The following ELMO1 variants were observed in gnomAD, a reference collection of about 807,000 sequenced individuals.
ELMO1 encodes the protein engulfment and cell motility protein 1.
In ELMO1, 26 loss-of-function variants were observed where a neutral mutation model predicts 98.9. That is an observed-to-expected ratio of 0.26 (90% CI 0.19 to 0.36). The LOEUF (loss-of-function observed/expected upper bound fraction) is 0.36, where lower values mean the gene tolerates loss of function less well. ELMO1 is among the 10% of genes least tolerant of loss of function. ELMO1 has a pLI of 1.00. For missense variants in ELMO1, 627 were observed against 935.2 expected, an observed-to-expected ratio of 0.67 and a Z score of 4.30; for synonymous variants, 346 against 346.0, an observed-to-expected ratio of 1.00 and a Z score of 0.00.
intron 6 of ELMO1, among the ~76,000 whole-genome samples, chr7:37,254,595 A>G (rs1795541164): frequency 6.6e-6 from 1 of 152,226 alleles, no homozygotes; most frequent in Admixed American, 6.5e-5. Context: ...AGTGTACGCA[A>G]TGGTAACACA....
intron 13 of ELMO1, among the ~76,000 whole-genome samples, chr7:37,151,465 A>G (rs1325092262): frequency 6.6e-6 from 1 of 152,000 alleles, no homozygotes; most frequent in Non-Finnish European, 1.5e-5. Context: ...ACAAAATCCT[A>G]ATGGGGCCTT....
chr7:36,916,309 C>T (rs1345390481), intron 16 of ELMO1, among the ~76,000 whole-genome samples: 1 of 152,196 alleles, frequency 6.6e-6, no homozygotes, highest in Non-Finnish European at 1.5e-5. Context: ...CTACCCAAGC[C>T]GGTGATAATC....
At chr7:37,315,757 C>T (rs17170984) in intron 3 of ELMO1, among the ~76,000 whole-genome samples, 163 bp downstream of exon 3, 3,935 of 152,278 alleles carry the variant, frequency 0.026, 179 homozygotes, top group African/African-American at 0.09. Flanking sequence ...ATGGTGAATT[C>T]TGTTGGAAAA....
intron 1 of ELMO1, among the ~76,000 whole-genome samples, chr7:37,425,889 A>G (rs568981237): frequency 3.2e-4 from 49 of 152,318 alleles, no homozygotes; most frequent in African/African-American, 1.1e-3. Context: ...CCCCACTCCA[A>G]TGAGGCTATA....
intron 14 of ELMO1, among the ~76,000 whole-genome samples, chr7:37,104,224 C>T (rs1784818996): frequency 6.6e-6 from 1 of 151,198 alleles, no homozygotes; most frequent in Admixed American, 6.6e-5. Context: ...GATCTTATGC[C>T]TGAGTGAAGA....
Position 36,876,467 on chromosome 7 carries a change from A to T in ELMO1, c.1822+1543T>A, listed in dbSNP as rs756256281. 1.4e-4 allele frequency among the ~76,000 whole-genome samples: 21 copies of T among 150,506 alleles called. 1 individual carries two copies. Among genetic ancestry groups the T allele is most frequent in the Non-Finnish European group, 2.5e-4 (17 of 67,670 alleles). The stretch of plus-strand genomic sequence containing the variant: ...ATTTACTTAAACTTTTTGTTTTTTT[A>T]AAATTATTAGTGAAAGCCACATTTG... On this transcript the variant is annotated intron_variant, in intron 19 of 21. Coordinates refer to ENST00000310758, the MANE Select transcript of ELMO1 (RefSeq NM_014800.11).
At chr7:37,227,985 C>A (rs950453595) in intron 8 of ELMO1, among the ~76,000 whole-genome samples, 1 of 152,212 alleles carries the variant, frequency 6.6e-6, no homozygotes, top group African/African-American at 2.4e-5. Flanking sequence ...AATCCTAAAG[C>A]ATGTTACATA....
chr7:37,265,912 A>C (rs1179576144), intron 5 of ELMO1, among the ~76,000 whole-genome samples: 1 of 151,712 alleles, frequency 6.6e-6, no homozygotes, highest in African/African-American at 2.4e-5. Flanking sequence ...CACCGGGAGG[A>C]ACAGGACATC....
At chr7:36,860,063 T>C (rs554262988) in intron 21 of ELMO1, among the ~76,000 whole-genome samples, 11 of 152,358 alleles carry the variant, frequency 7.2e-5, no homozygotes, top group Admixed American at 5.9e-4. Context: ...CTTATGACTT[T>C]CTTAACATTT....
intron 16 of ELMO1, among the ~76,000 whole-genome samples, chr7:36,991,259 C>T (rs779714543): frequency 2.0e-5 from 3 of 152,150 alleles, no homozygotes; most frequent in Non-Finnish European, 4.4e-5. Context: ...CATACACACA[C>T]GTGCACATGC....
chr7:37,004,639 G>T (rs921699480), intron 16 of ELMO1, among the ~76,000 whole-genome samples: 1 of 152,128 alleles, frequency 6.6e-6, no homozygotes, highest in African/African-American at 2.4e-5. Context: ...TACCCAAGAA[G>T]TATATTTACT....
chr7:37,057,347 G>C (rs1796439977), intron 15 of ELMO1, among the ~76,000 whole-genome samples: 1 of 152,162 alleles, frequency 6.6e-6, no homozygotes, highest in Admixed American at 6.5e-5. Context: ...TGAAGTGTTA[G>C]AAGACTGACT....
At chr7:37,200,478 A>G (rs1002410660) in intron 13 of ELMO1, among the ~76,000 whole-genome samples, 1 of 152,128 alleles carries the variant, frequency 6.6e-6, no homozygotes, top group Non-Finnish European at 1.5e-5. Context: ...TCCAAGAAAG[A>G]CAGCACAGAG....
chr7:37,026,373 T>C (rs532197938), intron 15 of ELMO1, among the ~76,000 whole-genome samples: 1 of 152,278 alleles, frequency 6.6e-6, no homozygotes, highest in Admixed American at 6.5e-5. Context: ...GGGCTAAAAA[T>C]AAGCAATTCT....
intron 15 of ELMO1, among the ~76,000 whole-genome samples, chr7:37,090,964 G>A (rs1229024593): frequency 6.6e-6 from 1 of 152,174 alleles, no homozygotes; most frequent in African/African-American, 2.4e-5. Flanking sequence ...ATAAATGAAT[G>A]AGTGAGGAAA....
rs117143550 is a variant in ELMO1, at chr7:36,928,569, C to T, written c.1438-33552G>A. ...ACAAGAAATGCATCAGGGGCAGCGACACCCTGCAACAGAGAGATAACACCA... is the reference window on the plus strand; with the variant it reads ...ACAAGAAATGCATCAGGGGCAGCGATACCCTGCAACAGAGAGATAACACCA... On this transcript the variant is annotated intron_variant, in intron 16 of 21. Transcript: ENST00000310758. 9.7e-3 allele frequency among the ~76,000 whole-genome samples: 1,480 copies of T among 152,238 alleles called. 14 individuals carry two copies. Among genetic ancestry groups the T allele is most frequent in the Middle Eastern group, 0.027 (8 of 294 alleles).
At chr7:37,023,269 T>A (rs2129180787) in intron 15 of ELMO1, among the ~76,000 whole-genome samples, 1 of 152,352 alleles carries the variant, frequency 6.6e-6, no homozygotes, top group African/African-American at 2.4e-5. Context: ...TTACACTTTT[T>A]ATGAAAAGTT....
Position 37,347,722 on chromosome 7 carries a change from G to A in ELMO1, c.-73-4959C>T, listed in dbSNP as rs77141728. 3.1e-3 allele frequency among the ~76,000 whole-genome samples: 465 copies of A among 151,996 alleles called. 4 individuals are homozygous for A. Among genetic ancestry groups the A allele is most frequent in the East Asian group, 0.019 (97 of 5,168 alleles). On this transcript the variant is annotated intron_variant, in intron 1 of 21. Transcript: ENST00000310758. ...TCCTTTATAAATTACCCAATCTCCC[G>A]TATGTCTTTATTAGCAGCATGCAAA...
chr7:37,225,288 CT>C (rs778941518), intron 8 of ELMO1, among the ~76,000 whole-genome samples: 8 of 152,122 alleles, frequency 5.3e-5, no homozygotes, highest in Non-Finnish European at 1.2e-4. Flanking sequence ...AAGGATTATT[CT>C]TTCTGTATTT....
Sources: gnomAD v4.1 joint callset for allele counts (sites outside exome capture counted in the v4.1 genomes callset) on GRCh38, gnomAD v4.1.1 for gene constraint, MANE v1.5 for transcripts, NCBI Gene and HGNC (gene_info 2026-07-23, HGNC 2026-07-21) for gene names.